The following ZNF75A variants were observed in gnomAD, a reference collection of about 807,000 sequenced individuals.
ZNF75A encodes zinc finger protein 75A.
A neutral mutation model predicts 46.3 loss-of-function variants in ZNF75A; 36 were observed. The observed-to-expected ratio is 0.78, with a 90% confidence interval of 0.60 to 1.03. The LOEUF (loss-of-function observed/expected upper bound fraction) is 1.03, where lower values mean the gene tolerates loss of function less well. Ranked by LOEUF, ZNF75A falls within the 50% of genes least tolerant of loss-of-function variation. The pLI is 0.00. For synonymous variants in ZNF75A, 234 were observed against 189.9 expected (o/e 1.23, Z -1.91); for missense variants, 595 against 551.3 (o/e 1.08, Z -0.79).
intron 5 of ZNF75A, chr16:3,314,709 T>C (rs1005901459): frequency 1.0e-6 from 1 of 985,350 alleles, no homozygotes; most frequent in Non-Finnish European, 1.2e-6. Flanking sequence ...GCTTCTGCAG[T>C]GGCAAGTTCA....
At chr16:3,320,477 T>C (rs1259432766), downstream of ZNF75A, among the ~76,000 whole-genome samples, 1 of 152,180 alleles carries the variant, frequency 6.6e-6, no homozygotes, top group East Asian at 1.9e-4. Flanking sequence ...CCGTGGATAC[T>C]AAACTGAGCT....
intron 2 of ZNF75A, among the ~76,000 whole-genome samples, chr16:3,310,106 A>G (rs1960633012): frequency 6.6e-6 from 1 of 151,680 alleles, no homozygotes; most frequent in African/African-American, 2.4e-5. Context: ...AAAAAAAAAA[A>G]TGTTTTAGGC....
At chr16:3,312,953 T>A (rs37840) in intron 4 of ZNF75A, 96 bp from the exon 5 acceptor site, 1 of 1,431,718 alleles carries the variant, frequency 7.0e-7, no homozygotes, top group Non-Finnish European at 9.3e-7. Context: ...ATCATGTTCT[T>A]TTAATTCCTT....
At chr16:3,322,786 C>G (rs755361864), downstream of ZNF75A, 1 of 473,770 alleles carries the variant, frequency 2.1e-6, no homozygotes, top group African/African-American at 2.1e-5. Context: ...TATTTCAAGT[C>G]TTTTTCAAAA....
chr16:3,312,827 T>G, intron 4 of ZNF75A, 59 bp downstream of exon 4: 2 of 1,185,736 alleles, frequency 1.7e-6, no homozygotes, highest in Non-Finnish European at 2.2e-6. Flanking sequence ...TGATTAATAC[T>G]GTCCAGGAGG....
chr16:3,321,585 C>G (rs1237010557), downstream of ZNF75A, among the ~76,000 whole-genome samples: 2 of 152,194 alleles, frequency 1.3e-5, no homozygotes, highest in African/African-American at 4.8e-5. Context: ...CCCACCTCAG[C>G]CTTCTGAGTA....
Position 3,313,126 on chromosome 16 carries a change from C to A in ZNF75A, c.774C>A (p.Ala258=). The change falls in exon 5 of 7, where the codon GCC becomes GCA. Residue 258 remains alanine, a synonymous_variant. Coordinates refer to ENST00000669516, the MANE Select transcript of ZNF75A (RefSeq NM_001302109.2). ...EWELLDPTQK[A]LYNDVMQENY... is the part of the protein sequence containing the mutation. ...AGTTATTGGATCCCACTCAGAAGGC[C>A]CTCTACAATGATGTAATGCAGGAAA... The A allele has an allele frequency of 6.2e-7, 1 of 1,613,946 alleles. No homozygotes were observed. Among genetic ancestry groups the A allele is most frequent in the Non-Finnish European group, 8.5e-7 (1 of 1,179,910 alleles).
chr16:3,308,641 A>G lies in ZNF75A; in HGVS notation c.213A>G (p.Glu71=), dbSNP rs1960468433. 1.0e-6 allele frequency: 1 copy of G among 987,296 alleles called. No homozygotes were observed. Among genetic ancestry groups the G allele is most frequent in the South Asian group, 4.5e-5 (1 of 21,984 alleles). 61.2% of individuals were successfully genotyped at this position (987,296 alleles called of 1,614,324 possible). A position where few individuals can be genotyped will look rare whatever the true frequency, so the allele number is the denominator to read the frequency against. Residue 71 remains glutamate (E), a synonymous_variant, in exon 2 of 7, where the codon GAA becomes GAG. Transcript: ENST00000669516. ...GPREAVSKLQ[E]LCHLWLKPEI... ...GTGAGGCTGTCAGCAAACTTCAAGA[A>G]TTATGTCATCTATGGCTGAAGCCAG...
At position 3,308,419 on chromosome 16, in the gene ZNF75A, C is replaced by G. The variant is rs553304424; in HGVS notation, c.-10C>G. The stretch of plus-strand genomic sequence containing the variant: ...TGTCTTAACACAGGAGCAGAACTTC[C>G]TAGAGCAGAATGATGATGGTAGATC... On this transcript the variant is annotated 5_prime_UTR_variant, in exon 2 of 7. Transcript: ENST00000669516. 2.7e-4 allele frequency: 268 copies of G among 985,816 alleles called. 1 individual carries two copies. The African/African-American group carries it at 4.4e-3, about 16-fold the overall frequency. 61.1% of individuals were successfully genotyped at this position (985,816 alleles called of 1,614,324 possible).
At chr16:3,320,115 A>G (rs37841), downstream of ZNF75A, among the ~76,000 whole-genome samples, 132,250 of 151,942 alleles carry the variant, frequency 0.87, 57,619 homozygotes, top group South Asian at 0.96. Context: ...GCGCAATGTC[A>G]GCTCACTGCA....
At chr16:3,320,048 C>CTT (rs1232924647), downstream of ZNF75A, among the ~76,000 whole-genome samples, 11 of 147,028 alleles carry the variant, frequency 7.5e-5, no homozygotes, top group African/African-American at 2.7e-4. Context: ...CCTGCCCTAT[C>CTT]TTTTTTTTTT....
Position 3,317,835 on chromosome 16 carries a change from C to G in ZNF75A, c.1580C>G (p.Ser527Ter). The change falls in exon 7 of 7, where the codon TCA (serine) becomes TGA (stop). Residue 527 changes from serine (S) to a stop codon, truncating the protein, a stop_gained. Transcript: ENST00000669516. LOFTEE classifies it high-confidence loss of function. ...SICRRNFSRR[S>*]SLLRHQKLHL ...TGCAGGAGAAACTTCAGCAGGCGGTCAAGCCTTCTTAGACACCAGAAACTC... is the reference window on the plus strand; with the variant it reads ...TGCAGGAGAAACTTCAGCAGGCGGTGAAGCCTTCTTAGACACCAGAAACTC... The G allele has an allele frequency of 6.2e-7, 1 of 1,613,044 alleles. No homozygotes were observed. Among genetic ancestry groups the G allele is most frequent in the Non-Finnish European group, 8.5e-7 (1 of 1,179,346 alleles).
Position 3,317,807 on chromosome 16 carries a change from A to G in ZNF75A, c.1552A>G (p.Ile518Val), listed in dbSNP as rs751000143. Residue 518 changes from isoleucine (I) to valine (V), a missense_variant, in exon 7 of 7, where the codon ATA (isoleucine) becomes GTA (valine). Ile to Val is a conservative substitution (Grantham distance 29). Coordinates refer to ENST00000669516, the MANE Select transcript of ZNF75A (RefSeq NM_001302109.2). ...AGGTGAGCAGCCATATACTTGTAGC[A>G]TATGCAGGAGAAACTTCAGCAGGCG... ...HTGEQPYTCS[I>V]CRRNFSRRSS... The G allele has an allele frequency of 1.4e-5, 23 of 1,613,948 alleles. No homozygotes were observed. Among genetic ancestry groups the G allele is most frequent in the Non-Finnish European group, 1.9e-5 (23 of 1,179,966 alleles).
At chr16:3,315,280 C>T (rs1961127148) in intron 5 of ZNF75A, 1 of 179,074 alleles carries the variant, frequency 5.6e-6, no homozygotes, top group Admixed American at 6.6e-5. Flanking sequence ...CAAGCTCTGC[C>T]TCCCGGGTTC....
Position 3,318,361 on chromosome 16 carries a change from A to G in ZNF75A, c.*492A>G. On this transcript the variant is annotated 3_prime_UTR_variant, in exon 7 of 7. Transcript: ENST00000669516. ...TCGGCAACTTCTCTTGGATCCTGTT[A>G]TCACAGTTTTTTACTGTGATGAAAT... 3 of 987,988 alleles carry G rather than the reference A, an allele frequency of 3.0e-6. No individual in the cohort carries two copies. The highest frequency in any genetic ancestry group is 3.6e-6 in the Non-Finnish European group (3 of 831,694). The allele number at this position is 987,988 out of a possible 1,614,324, so 61.2% of individuals were successfully genotyped here.
chr16:3,323,052 A>T (rs2030004088), downstream of ZNF75A: 5 of 642,580 alleles, frequency 7.8e-6, no homozygotes, highest in African/African-American at 1.9e-5. Context: ...TTTTTTTTTA[A>T]CCCTTCCTTT....
chr16:3,323,430 G>C (rs1366322069), downstream of ZNF75A: 1 of 756,818 alleles, frequency 1.3e-6, no homozygotes, highest in Non-Finnish European at 2.4e-6. Flanking sequence ...TCTGTCAGAG[G>C]GATGGTGTTC....
At position 3,312,757 on chromosome 16, in the gene ZNF75A, C is replaced by A. The variant is rs1186552296; in HGVS notation, c.685C>A (p.Pro229Thr). Reference sequence around the variant, plus strand: ...GACAGTGACACCTGAGCACGTCTTGCCTGAGTCCCAGGTGAGCTGTGCTTT... The same window carrying A: ...GACAGTGACACCTGAGCACGTCTTGACTGAGTCCCAGGTGAGCTGTGCTTT... Reference protein sequence around the residue: ...DWTVTPEHVLPESQSLLTFEE... With the variant: ...DWTVTPEHVLTESQSLLTFEE... Residue 229 changes from proline to threonine, a missense_variant, in exon 4 of 7, where the codon CCT becomes ACT. Coordinates refer to ENST00000669516, the MANE Select transcript of ZNF75A (RefSeq NM_001302109.2). 31 of 1,086,622 alleles carry A rather than the reference C, an allele frequency of 2.9e-5. No homozygotes were observed. Among genetic ancestry groups the A allele is most frequent in the Non-Finnish European group, 3.4e-5 (30 of 894,340 alleles). 67.3% of individuals were successfully genotyped at this position (1,086,622 alleles called of 1,614,324 possible).
At chr16:3,315,117 T>C (rs750468032) in intron 5 of ZNF75A, 30 of 983,884 alleles carry the variant, frequency 3.0e-5, no homozygotes, top group African/African-American at 3.5e-5. Context: ...ACCTTCTCCA[T>C]CATGTTTTTC....
Sources: gnomAD v4.1 joint callset for allele counts (sites outside exome capture counted in the v4.1 genomes callset) on GRCh38, gnomAD v4.1.1 for gene constraint, MANE v1.5 for transcripts, NCBI Gene and HGNC (gene_info 2026-07-23, HGNC 2026-07-21) for gene names.